The following CPAMD8 variants were observed in gnomAD, a reference collection of about 807,000 sequenced individuals.
The protein encoded by CPAMD8 is C3 and PZP-like alpha-2-macroglobulin domain-containing protein 8.
In CPAMD8, 146 loss-of-function variants were observed where a neutral mutation model predicts 224.7. That is an observed-to-expected ratio of 0.65 (90% CI 0.57 to 0.75). CPAMD8 has a LOEUF of 0.75. Among genes scored for constraint, CPAMD8 ranks in the 30% least tolerant of loss-of-function variants. CPAMD8 has a pLI of 0.00. For missense variants in CPAMD8, 2,301 were observed against 2,537.5 expected, an observed-to-expected ratio of 0.91 and a Z score of 2.00; for synonymous variants, 966 against 1,044.6, an observed-to-expected ratio of 0.92 and a Z score of 1.45.
chr19:16,999,196 A>C (rs528417847), intron 10 of CPAMD8, among the ~76,000 whole-genome samples: 1 of 152,300 alleles, frequency 6.6e-6, no homozygotes, highest in East Asian at 1.9e-4. Flanking sequence ...GATTCTCTGC[A>C]AAAGGACATG....
At chr19:16,990,724 A>T (rs753915832) in intron 12 of CPAMD8, among the ~76,000 whole-genome samples, 4 of 151,666 alleles carry the variant, frequency 2.6e-5, no homozygotes, top group African/African-American at 9.7e-5. Flanking sequence ...TTAGCCGGGC[A>T]TGGTGGCCGG....
At chr19:16,980,759 T>C (rs144773869) in intron 13 of CPAMD8, 73 bp from the exon 14 acceptor site, 1 of 1,276,846 alleles carries the variant, frequency 7.8e-7, no homozygotes, top group Non-Finnish European at 1.1e-6. Context: ...AGACGGCCAT[T>C]CTGGGGCCAG....
chr19:16,904,669 A>G, intron 30 of CPAMD8, 117 bp from the exon 31 acceptor site: 1 of 737,806 alleles, frequency 1.4e-6, no homozygotes, highest in East Asian at 2.6e-5. Flanking sequence ...CCAGTGGGAG[A>G]AGAGTATCAG....
At chr19:17,006,269 G>GT (rs1376840189) in intron 7 of CPAMD8, among the ~76,000 whole-genome samples, 2 of 151,968 alleles carry the variant, frequency 1.3e-5, no homozygotes, top group African/African-American at 4.8e-5. Flanking sequence ...GCCTCAAAGG[G>GT]TTTTTTTAAA....
At chr19:16,909,363 T>G (rs2052638848) in intron 29 of CPAMD8, among the ~76,000 whole-genome samples, 1 of 151,868 alleles carries the variant, frequency 6.6e-6, no homozygotes, top group South Asian at 2.1e-4. Context: ...GCTAACATGG[T>G]GAAACCCCAT....
intron 10 of CPAMD8, among the ~76,000 whole-genome samples, chr19:16,999,702 T>C (rs779732133): frequency 3.3e-5 from 5 of 152,212 alleles, no homozygotes; most frequent in Admixed American, 3.3e-4. Flanking sequence ...ATTTTAGAGA[T>C]GGGATCTCAC....
intron 19 of CPAMD8, among the ~76,000 whole-genome samples, chr19:16,956,767 A>ATG (rs1395187122): frequency 6.6e-6 from 1 of 151,706 alleles, no homozygotes; most frequent in Non-Finnish European, 1.5e-5. Flanking sequence ...TCCCAGGTTC[A>ATG]TGCCACTCTC....
At chr19:16,906,390 CTTTCTT>C (rs1568459637) in intron 30 of CPAMD8, among the ~76,000 whole-genome samples, 3 of 78,490 alleles carry the variant, frequency 3.8e-5, no homozygotes, top group African/African-American at 1.2e-4. Context: ...TTCTTTCTTT[CTTTCTT>C]TCTTTCTTTC....
At chr19:16,939,467 C>T (rs1037914719) in intron 22 of CPAMD8, among the ~76,000 whole-genome samples, 12 of 152,066 alleles carry the variant, frequency 7.9e-5, no homozygotes, top group Non-Finnish European at 1.6e-4. Context: ...CCTCGGCCTC[C>T]GAAAGTGCTG....
intron 22 of CPAMD8, among the ~76,000 whole-genome samples, chr19:16,939,683 G>A (rs1449031114): frequency 1.3e-5 from 2 of 152,136 alleles, no homozygotes; most frequent in Non-Finnish European, 1.5e-5. Flanking sequence ...CATCCAAGCT[G>A]TTAAACGTCT....
intron 29 of CPAMD8, among the ~76,000 whole-genome samples, 190 bp from the exon 30 acceptor site, chr19:16,907,307 CTTTTT>C (rs71334641): frequency 3.1e-3 from 251 of 81,080 alleles, no homozygotes; most frequent in Non-Finnish European, 4.5e-3. Flanking sequence ...TCTTTCTTGC[CTTTTT>C]TTTTTTTTTT....
rs147402423 is a variant in CPAMD8 at position 16,927,006 on chromosome 19, C to T, written c.3370+1003G>A. ...TCATTTGGGTCTGTCCATCTCCTTC[C>T]GGCCTCTCACCCTCTCCTCCCTGAC... On this transcript the variant is annotated intron_variant, in intron 25 of 41. Coordinates refer to ENST00000443236, the MANE Select transcript of CPAMD8 (RefSeq NM_015692.5). Among the ~76,000 whole-genome samples, 122 of 152,236 alleles carry T rather than the reference C, an allele frequency of 8.0e-4. 2 individuals are homozygous for T. The East Asian group carries it at 0.014, about 18-fold the overall frequency.
chr19:16,921,708 G>A (rs2053180455), intron 27 of CPAMD8, among the ~76,000 whole-genome samples, 197 bp downstream of exon 27: 1 of 152,132 alleles, frequency 6.6e-6, no homozygotes, highest in South Asian at 2.1e-4. Context: ...GAATGGTTAC[G>A]ATCACCAGCT....
At chr19:16,939,759 G>C (rs891534306) in intron 22 of CPAMD8, among the ~76,000 whole-genome samples, 1 of 152,074 alleles carries the variant, frequency 6.6e-6, no homozygotes. Context: ...CTGGGACATT[G>C]ATCTTCTCCT....
At chr19:16,903,917 G>T (rs2052364831) in intron 32 of CPAMD8, 60 bp from the exon 33 acceptor site, 3 of 1,538,202 alleles carry the variant, frequency 2.0e-6, no homozygotes, top group Non-Finnish European at 1.8e-6. Context: ...GTGGTCCCCT[G>T]AACCCCGTCT....
At chr19:16,959,603 C>A (rs2054585273) in intron 18 of CPAMD8, among the ~76,000 whole-genome samples, 1 of 151,462 alleles carries the variant, frequency 6.6e-6, no homozygotes, top group Non-Finnish European at 1.5e-5. Context: ...TGCAATGGCA[C>A]AATCTCGGTT....
chr19:16,950,757 C>T (rs935700644), intron 20 of CPAMD8, among the ~76,000 whole-genome samples: 10 of 142,340 alleles, frequency 7.0e-5, no homozygotes, highest in East Asian at 2.1e-4. Flanking sequence ...TGTACCAGTG[C>T]GCTCCAGCCT....
Position 16,898,031 on chromosome 19 carries a change from CAGGA to C in CPAMD8, c.4849-41_4849-38del. On this transcript the variant is annotated intron_variant, in intron 37 of 41. Coordinates refer to ENST00000443236, the MANE Select transcript of CPAMD8 (RefSeq NM_015692.5). The surrounding 1 kb of genome is among the most constrained non-coding windows in gnomAD (Gnocchi z 4.2). ...CGGCGGGCGCAGGCTCGACCCGGGC[CAGGA>C]GGCCCGGGGCGCTGAGCTCAGGCCC... The C allele has an allele frequency of 2.0e-6, 3 of 1,525,074 alleles. No individual in the cohort carries two copies. The highest frequency in any genetic ancestry group is 2.7e-6 in the Non-Finnish European group (3 of 1,121,068). 94.5% of individuals were successfully genotyped at this position (1,525,074 alleles called of 1,614,324 possible).
At chr19:16,991,176 T>C (rs944399196) in intron 12 of CPAMD8, among the ~76,000 whole-genome samples, 1 of 152,144 alleles carries the variant, frequency 6.6e-6, no homozygotes, top group Non-Finnish European at 1.5e-5. Context: ...GGGGATTACA[T>C]ATCCTGGTTC....
Sources: gnomAD v4.1 joint callset for allele counts (sites outside exome capture counted in the v4.1 genomes callset) on GRCh38, gnomAD v4.1.1 for gene constraint, Gnocchi (gnomAD v3.1) non-coding constraint, MANE v1.5 for transcripts, NCBI Gene and HGNC (gene_info 2026-07-23, HGNC 2026-07-21) for gene names.